WDR11: variants seen among roughly 807,000 people sequenced by gnomAD.
WDR11 encodes WD repeat domain 11, also known as WD repeat-containing protein 11.
In WDR11, 83 loss-of-function variants were observed where a neutral mutation model predicts 151.2. That is an observed-to-expected ratio of 0.55 (90% confidence interval 0.46 to 0.66). The LOEUF is 0.66. Ranked by LOEUF, WDR11 falls within the 30% of genes least tolerant of loss-of-function variation. The pLI is 0.00. For missense variants in WDR11, 1,301 were observed against 1,480.9 expected (o/e 0.88, Z 1.99); for synonymous variants, 484 against 533.1 (o/e 0.91, Z 1.27).
intron 27 of WDR11, 200 bp from the exon 28 acceptor site, chr10:120,906,576 T>C (rs926150165): frequency 7.0e-7 from 1 of 1,431,600 alleles, no homozygotes; most frequent in Non-Finnish European, 9.1e-7. Context: ...AAAGTATTAA[T>C]TTTAAAAAGC....
Position 120,862,885 on chromosome 10 carries a change from A to T in WDR11, c.677A>T (p.Asn226Ile), listed in dbSNP as rs1389287784. 4 of 1,614,060 alleles carry T rather than the reference A, an allele frequency of 2.5e-6. No homozygotes were observed. Among genetic ancestry groups the T allele is most frequent in the Non-Finnish European group, 2.5e-6 (3 of 1,179,916 alleles). ...GCCACAGGTGCCAAGAAAGCTCTAAATAAAGTAAAAATTTTAATCACTCAA... is the reference window on the plus strand; with the variant it reads ...GCCACAGGTGCCAAGAAAGCTCTAATTAAAGTAAAAATTTTAATCACTCAA... Reference protein sequence around the residue: ...ATATGAKKALNKVKILITQEK... With the variant: ...ATATGAKKALIKVKILITQEK... The change falls in exon 5 of 29, where the codon AAT becomes ATT. Residue 226 changes from asparagine (N) to isoleucine (I), a missense_variant. Around this residue, in one of 3 missense-constraint regions of WDR11, gnomAD observed 692 missense variants for 762.5 expected, o/e 0.91. Coordinates refer to ENST00000263461, the MANE Select transcript of WDR11 (RefSeq NM_018117.12).
chr10:120,902,294 C>G lies in WDR11; in HGVS notation c.2725C>G (p.Leu909Val), dbSNP rs772736934. ...KKLLLDPEFTLLQRCLLVSRL... is the reference protein window; with the variant it reads ...KKLLLDPEFTVLQRCLLVSRL... The stretch of plus-strand genomic sequence containing the variant: ...ACTGTTGCTTGATCCAGAATTCACT[C>G]TCTTGCAGAGGTGCCTGCTTGTTTC... Residue 909 changes from leucine (L) to valine (V), a missense_variant, in exon 22 of 29, where the codon CTC (leucine) becomes GTC (valine). Physicochemically the swap from Leu to Val is conservative, Grantham distance 32. Transcript: ENST00000263461. The G allele has an allele frequency of 3.7e-6, 6 of 1,613,988 alleles. No individual in the cohort carries two copies. In the East Asian group the frequency reaches 1.1e-4, roughly 30 times the overall value.
At position 120,866,773 on chromosome 10, in the gene WDR11, A is replaced by G; in HGVS notation, c.1190+9A>G. 6.2e-7 allele frequency: 1 copy of G among 1,614,104 alleles called. No individual in the cohort carries two copies. Among genetic ancestry groups the G allele is most frequent in the South Asian group, 1.1e-5 (1 of 91,064 alleles). On this transcript the variant is annotated intron_variant, in intron 8 of 28. Coordinates refer to ENST00000263461, the MANE Select transcript of WDR11 (RefSeq NM_018117.12). ...CGAAATTCACGGAACAGGTAAATGA[A>G]TCAACAGGATCATGGTTTTGTTTTT...
rs758246424 is a variant in WDR11, at chr10:120,905,352, C to G, written c.3227C>G (p.Ala1076Gly). The change falls in exon 26 of 29, where the codon GCT becomes GGT. Residue 1076 changes from alanine (A) to glycine (G), a missense_variant. Physicochemically the swap from Ala to Gly is moderately conservative, Grantham distance 60. Transcript: ENST00000263461. ...CAGTTGCTCTGCCTGATAGATAAGG[C>G]TGCAGACGCCTGCCGCTACCTGCAG... is the stretch of plus-strand genomic sequence containing the variant. ...GVQLLCLIDK[A>G]ADACRYLQTY... 6.2e-7 allele frequency: 1 copy of G among 1,614,146 alleles called. No homozygotes were observed. The highest frequency in any genetic ancestry group is 1.1e-5 in the South Asian group (1 of 91,084).
chr10:120,867,196 T>C (rs1195595077), intron 9 of WDR11, 27 bp downstream of exon 9: 1 of 1,537,708 alleles, frequency 6.5e-7, no homozygotes, highest in Non-Finnish European at 9.0e-7. Context: ...TCTAACTCCA[T>C]GTTAAGTATT....
chr10:120,890,044 A>G (rs1311453637), intron 18 of WDR11, 35 bp downstream of exon 18: 1 of 1,429,728 alleles, frequency 7.0e-7, no homozygotes, highest in Non-Finnish European at 9.8e-7. Context: ...ACGTAAATAA[A>G]TTGTTAGCCA....
intron 3 of WDR11, 111 bp downstream of exon 3, chr10:120,858,907 A>G: frequency 7.4e-7 from 1 of 1,352,666 alleles, no homozygotes; most frequent in South Asian, 1.2e-5. Context: ...ATTCCAAGTT[A>G]GCTCTTGATT....
At chr10:120,890,693 G>T in intron 18 of WDR11, 23 bp from the exon 19 acceptor site, 1 of 1,614,110 alleles carries the variant, frequency 6.2e-7, no homozygotes, top group Admixed American at 1.7e-5. Context: ...GTCTGGAAGT[G>T]ATGCCCAAAT....
intron 11 of WDR11, among the ~76,000 whole-genome samples, chr10:120,874,190 T>TTTTTG (rs796119460): frequency 0.013 from 1,324 of 105,000 alleles, 18 homozygotes; most frequent in East Asian, 0.023. Context: ...TTTTTTTTTT[T>TTTTTG]TTGTTGTTGT....
chr10:120,905,790 G>A, intron 26 of WDR11, 86 bp from the exon 27 acceptor site: 1 of 1,611,314 alleles, frequency 6.2e-7, no homozygotes, highest in Non-Finnish European at 8.5e-7. Flanking sequence ...GTATTTCATA[G>A]AAACAGATCT....
intron 11 of WDR11, among the ~76,000 whole-genome samples, chr10:120,876,074 G>T (rs1025438972): frequency 6.7e-6 from 1 of 150,006 alleles, no homozygotes; most frequent in Admixed American, 6.7e-5. Context: ...TGTCTCCCGG[G>T]TTCAAGCAAT....
chr10:120,906,956 AT>A, intron 28 of WDR11, 101 bp downstream of exon 28: 1 of 1,511,300 alleles, frequency 6.6e-7, no homozygotes, highest in East Asian at 2.3e-5. Context: ...ACTATATTAT[AT>A]TGTGAAAGAT....
chr10:120,865,202 C>T lies in WDR11; in HGVS notation c.869C>T (p.Pro290Leu), dbSNP rs562880069. The T allele has an allele frequency of 4.3e-6, 7 of 1,613,762 alleles. No homozygotes were observed. In the African/African-American group the frequency reaches 8.0e-5, roughly 18 times the overall value. Residue 290 changes from proline (P) to leucine (L), a missense_variant, in exon 6 of 29, where the codon CCA (proline) becomes CTA (leucine). By Grantham distance (98) the Pro-to-Leu change is moderately conservative (BLOSUM62 -3). Transcript: ENST00000263461. ...GVIAIERTGV[P>L]FLQVIPCFQR... ...ATTGCAATAGAACGCACAGGAGTTC[C>T]ATTTTTACAGGTATCTACAATTCAT...
At chr10:120,851,630 G>A in intron 1 of WDR11, 124 bp downstream of exon 1, 2 of 1,160,630 alleles carry the variant, frequency 1.7e-6, no homozygotes, top group Non-Finnish European at 2.5e-6. Context: ...CCGCCCTCAC[G>A]CAATGAGCTT....
intron 27 of WDR11, chr10:120,906,316 G>A: frequency 2.3e-6 from 3 of 1,292,156 alleles, no homozygotes; most frequent in Non-Finnish European, 3.0e-6. Context: ...TTTGACTAGA[G>A]CAACTGAGAG....
Position 120,865,226 on chromosome 10 carries a change from A to C in WDR11, c.879+14A>C. 1 of 1,612,360 alleles carries C rather than the reference A, an allele frequency of 6.2e-7. No homozygotes were observed. The highest frequency in any genetic ancestry group is 8.5e-7 in the Non-Finnish European group (1 of 1,178,464). ...CCATTTTTACAGGTATCTACAATTC[A>C]TAAATTATATTCCCCAAAATTATTA... On this transcript the variant is annotated intron_variant, in intron 6 of 28. Transcript: ENST00000263461.
At chr10:120,854,038 T>C (rs1242089270) in intron 2 of WDR11, among the ~76,000 whole-genome samples, 5 of 152,202 alleles carry the variant, frequency 3.3e-5, no homozygotes, top group African/African-American at 1.2e-4. Flanking sequence ...ATAGCTTTAT[T>C]GAGATACTCA....
chr10:120,880,561 A>G, intron 12 of WDR11: 1 of 395,874 alleles, frequency 2.5e-6, no homozygotes, highest in Non-Finnish European at 4.7e-6. Flanking sequence ...CGGGATGCTA[A>G]GGCAAGAAAA....
Position 120,867,092 on chromosome 10 carries a change from C to T in WDR11, c.1217C>T (p.Ser406Leu). 1.9e-6 allele frequency: 3 copies of T among 1,613,638 alleles called. No individual in the cohort carries two copies. The highest frequency in any genetic ancestry group is 2.5e-6 in the Non-Finnish European group (3 of 1,179,842). The change falls in exon 9 of 29, where the codon TCA becomes TTA. Residue 406 changes from serine to leucine, a missense_variant. Ser to Leu is a moderately radical substitution (Grantham distance 145, BLOSUM62 -2). Around this residue, in one of 3 missense-constraint regions of WDR11, gnomAD observed 692 missense variants for 762.5 expected, o/e 0.91. Transcript: ENST00000263461. ...AGTTCTGGTGTGTCACCTTTATATT[C>T]ACCAGTGTCTTTCTGTGGAATTCCT... ...NSSSGVSPLY[S>L]PVSFCGIPVG...
Sources: allele counts gnomAD v4.1 joint callset (sites outside exome capture counted in the v4.1 genomes callset), GRCh38; gene constraint gnomAD v4.1.1; regional missense constraint gnomAD v4.1.1; transcripts MANE v1.5; gene names NCBI Gene and HGNC (gene_info 2026-07-23, HGNC 2026-07-21).